STXBP6: variants seen among roughly 807,000 people sequenced by gnomAD.
STXBP6 encodes the protein syntaxin binding protein 6.
Under a neutral mutation model 26.9 loss-of-function variants are expected in STXBP6, and 21 were observed. The ratio of observed to expected loss-of-function variants is 0.78; its 90% CI spans 0.55 to 1.12. The LOEUF (loss-of-function observed/expected upper bound fraction) is 1.12, where lower values mean the gene tolerates loss of function less well. STXBP6 is among the 50% of genes most tolerant of loss of function. The pLI, the probability that STXBP6 is intolerant of heterozygous loss-of-function variation, is 0.00. For synonymous variants in STXBP6, 97 were observed against 92.6 expected (o/e 1.05, Z -0.27); for missense variants, 232 against 257.9 (o/e 0.90, Z 0.69).
chr14:24,894,578 A>G (rs1175960925), intron 2 of STXBP6, among the ~76,000 whole-genome samples: 2 of 152,190 alleles, frequency 1.3e-5, no homozygotes, highest in Non-Finnish European at 2.9e-5. Flanking sequence ...ATATCCCCCA[A>G]TCCATAGAAC....
At chr14:25,004,255 C>T (rs958064985) in intron 1 of STXBP6, among the ~76,000 whole-genome samples, 4 of 152,226 alleles carry the variant, frequency 2.6e-5, no homozygotes, top group African/African-American at 9.6e-5. Flanking sequence ...TCTCAGGCTA[C>T]ACATGCCAAT....
intron 2 of STXBP6, among the ~76,000 whole-genome samples, chr14:24,913,314 A>G (rs1157618213): frequency 6.6e-6 from 1 of 152,218 alleles, no homozygotes; most frequent in African/African-American, 2.4e-5. Flanking sequence ...TGTATTATAT[A>G]GTTTTAAATA....
At chr14:24,926,962 T>C (rs10145291) in intron 2 of STXBP6, among the ~76,000 whole-genome samples, 36,815 of 151,990 alleles carry the variant, frequency 0.24, 4,689 homozygotes, top group African/African-American at 0.33. Flanking sequence ...AGTTAATAAT[T>C]ACGTCTAGCC....
intron 4 of STXBP6, among the ~76,000 whole-genome samples, chr14:24,834,779 T>TG (rs1016320115): frequency 6.6e-5 from 10 of 152,026 alleles, no homozygotes; most frequent in African/African-American, 2.2e-4. Flanking sequence ...GGGAGACCTG[T>TG]GGGGGAGAAG....
At chr14:24,861,967 C>T (rs1360221662) in intron 2 of STXBP6, among the ~76,000 whole-genome samples, 1 of 152,276 alleles carries the variant, frequency 6.6e-6, no homozygotes, top group East Asian at 1.9e-4. Flanking sequence ...CCAAAGGGGT[C>T]TGACATGGGA....
chr14:25,017,820 G>A lies in STXBP6; in HGVS notation c.-33+32058C>T, dbSNP rs35225872. Among the ~76,000 whole-genome samples the A allele has an allele frequency of 9.7e-3, 1,481 of 152,244 alleles. 9 individuals carry two copies. Among genetic ancestry groups the A allele is most frequent in the South Asian group, 0.04 (192 of 4,826 alleles). ...TTCCCCAGGCCTTGGTTCACAGTGGGCAAGGTAGCACAGTGGTTGCGAGCT... is the reference window on the plus strand; with the variant it reads ...TTCCCCAGGCCTTGGTTCACAGTGGACAAGGTAGCACAGTGGTTGCGAGCT... On this transcript the variant is annotated intron_variant, in intron 1 of 5. Coordinates refer to ENST00000323944, the MANE Select transcript of STXBP6 (RefSeq NM_001394410.1).
chr14:24,813,973 T>C (rs555954794), intron 5 of STXBP6, among the ~76,000 whole-genome samples: 1 of 152,316 alleles, frequency 6.6e-6, no homozygotes, highest in East Asian at 1.9e-4. Flanking sequence ...AGTCCTCATG[T>C]TGATAAGTTA....
intron 1 of STXBP6, among the ~76,000 whole-genome samples, chr14:25,008,124 T>C (rs1259092207): frequency 2.0e-5 from 3 of 152,142 alleles, no homozygotes; most frequent in Non-Finnish European, 4.4e-5. Context: ...GAGTCCCACA[T>C]GAACAAAATG....
chr14:24,979,209 T>G (rs558104897), intron 1 of STXBP6, among the ~76,000 whole-genome samples: 61 of 152,380 alleles, frequency 4.0e-4, no homozygotes, highest in African/African-American at 1.3e-3. Flanking sequence ...CATGCAATCC[T>G]CTGATCAAGT....
intron 2 of STXBP6, among the ~76,000 whole-genome samples, chr14:24,914,170 A>G (rs2071673361): frequency 6.6e-6 from 1 of 152,150 alleles, no homozygotes; most frequent in South Asian, 2.1e-4. Context: ...TGAGGTTGAC[A>G]TATTTCTAAT....
intron 5 of STXBP6, among the ~76,000 whole-genome samples, chr14:24,814,481 C>T (rs2067913425): frequency 1.3e-5 from 2 of 152,214 alleles, no homozygotes; most frequent in African/African-American, 4.8e-5. Context: ...AACTAATGGG[C>T]TTGTGCCAAT....
At chr14:25,042,026 C>T (rs117543225) in intron 1 of STXBP6, among the ~76,000 whole-genome samples, 3,254 of 152,310 alleles carry the variant, frequency 0.021, 56 homozygotes, top group South Asian at 0.059. Flanking sequence ...ATTTATTGCA[C>T]TTGTGGCTTT....
intron 4 of STXBP6, among the ~76,000 whole-genome samples, chr14:24,844,081 A>G (rs763163679): frequency 6.6e-6 from 1 of 152,162 alleles, no homozygotes; most frequent in Non-Finnish European, 1.5e-5. Context: ...TAATGACTTA[A>G]TCAATCATAA....
chr14:24,870,506 T>C (rs1175240546), intron 2 of STXBP6, among the ~76,000 whole-genome samples: 2 of 152,208 alleles, frequency 1.3e-5, no homozygotes. Context: ...TATTCTCCAC[T>C]CCAAATGTTA....
At chr14:24,957,487 T>C (rs2073381855) in intron 2 of STXBP6, among the ~76,000 whole-genome samples, 1 of 152,198 alleles carries the variant, frequency 6.6e-6, no homozygotes, top group East Asian at 1.9e-4. Flanking sequence ...ATGTGCAAAG[T>C]CACCAGCTGC....
chr14:24,962,133 C>CT (rs1324571115), intron 2 of STXBP6, among the ~76,000 whole-genome samples: 2 of 152,058 alleles, frequency 1.3e-5, no homozygotes, highest in African/African-American at 2.4e-5. Flanking sequence ...GCACAGTACC[C>CT]TTATATACAC....
At chr14:24,974,881 G>C in intron 1 of STXBP6, 31 bp from the exon 2 acceptor site, 1 of 1,451,824 alleles carries the variant, frequency 6.9e-7, no homozygotes, top group Non-Finnish European at 9.3e-7. Flanking sequence ...AGGAAAGTTG[G>C]AATTGACAAC....
intron 2 of STXBP6, among the ~76,000 whole-genome samples, chr14:24,895,283 C>T (rs77891808): frequency 0.013 from 1,932 of 152,266 alleles, 16 homozygotes; most frequent in South Asian, 0.027. Flanking sequence ...ATAAAAACCA[C>T]GAGGAATTCC....
chr14:24,904,978 T>G (rs1032405337), intron 2 of STXBP6, among the ~76,000 whole-genome samples: 9 of 152,152 alleles, frequency 5.9e-5, no homozygotes, highest in Admixed American at 4.6e-4. Flanking sequence ...AGGATGAGAG[T>G]TCAGGACTTG....
Sources: gnomAD v4.1 joint callset for allele counts (sites outside exome capture counted in the v4.1 genomes callset) on GRCh38, gnomAD v4.1.1 for gene constraint, MANE v1.5 for transcripts, NCBI Gene and HGNC (gene_info 2026-07-23, HGNC 2026-07-21) for gene names.